TEX48: variants seen among roughly 807,000 people sequenced by gnomAD.
TEX48 encodes testis-expressed protein 48.
A neutral mutation model predicts 13.2 loss-of-function variants in TEX48; 10 were observed. That is an observed-to-expected ratio of 0.75 (90% CI 0.47 to 1.28). The LOEUF (loss-of-function observed/expected upper bound fraction) is 1.28. Ranked by LOEUF, TEX48 falls within the 50% of genes most tolerant of loss-of-function variation. The probability of loss-of-function intolerance (pLI) is 0.00; values close to 1 mark genes in which losing one functional copy is unlikely to be tolerated. For missense variants in TEX48, 116 were observed against 139.4 expected (o/e 0.83, Z 0.84); for synonymous variants, 45 against 52.3 (o/e 0.86, Z 0.60).
chr9:114,668,215 C>A lies in TEX48; in HGVS notation c.250G>T (p.Glu84Ter). The A allele has an allele frequency of 2.6e-6, 4 of 1,535,674 alleles. No homozygotes were observed. Among genetic ancestry groups the A allele is most frequent in the Non-Finnish European group, 3.5e-6 (4 of 1,146,890 alleles). ...TKKSTSSSSS[E>*]FEDLNAYASQ... ...CCAATTTGGGACTCACCCTCAAACT[C>A]ACTGCTGCTGGAGGAAGTGCTCTTT... is the stretch of plus-strand genomic sequence containing the variant. The change falls in exon 4 of 5, where the codon GAG becomes TAG. Residue 84 changes from glutamate to a stop codon, truncating the protein, a stop_gained. Transcript: ENST00000436752. LOFTEE classifies it low-confidence loss of function (END_TRUNC).
At chr9:114,679,098 C>A (rs1589380769) in intron 1 of TEX48, among the ~76,000 whole-genome samples, 2 of 151,800 alleles carry the variant, frequency 1.3e-5, no homozygotes, top group Non-Finnish European at 2.9e-5. Flanking sequence ...GACTTCAGGA[C>A]ACTTTCAAAG....
chr9:114,673,000 G>T (rs1321976216), intron 1 of TEX48, among the ~76,000 whole-genome samples: 4 of 152,130 alleles, frequency 2.6e-5, no homozygotes, highest in South Asian at 2.1e-4. Context: ...ATTTTAAAAG[G>T]ATGAAGAGTA....
chr9:114,681,109 TTC>T (rs1828190872), intron 1 of TEX48, among the ~76,000 whole-genome samples: 1 of 152,340 alleles, frequency 6.6e-6, no homozygotes, highest in South Asian at 2.1e-4. Flanking sequence ...AATTCTCTTT[TTC>T]TCTCTTTTTA....
At chr9:114,677,282 G>A (rs1025367561) in intron 1 of TEX48, among the ~76,000 whole-genome samples, 7 of 120,672 alleles carry the variant, frequency 5.8e-5, no homozygotes, top group African/African-American at 2.4e-4. Flanking sequence ...CCTAGTGTCA[G>A]TGTCATGGGA....
In TEX48 at chr9:114,666,610, C is replaced by T; in HGVS notation, c.*33G>A. 8 of 1,267,426 alleles carry T rather than the reference C, an allele frequency of 6.3e-6. No individual in the cohort carries two copies. The highest frequency in any genetic ancestry group is 8.7e-6 in the Non-Finnish European group (8 of 918,096). 78.5% of individuals were successfully genotyped at this position (1,267,426 alleles called of 1,614,324 possible). The stretch of plus-strand genomic sequence containing the variant: ...CACCGCCCTCTTCCTCATGGAGATG[C>T]CCCAGCAGCTGTGCAGCCGCCGGCT... On this transcript the variant is annotated 3_prime_UTR_variant, in exon 5 of 5. Transcript: ENST00000436752.
In TEX48 at chr9:114,671,389, T is replaced by A; in HGVS notation, c.121A>T (p.Thr41Ser). ...GTCCTTATCTGATACCTACTTTGGG[T>A]CGATGGCTTGTGCTCCTGGGTTTGA... ...PSQTQEHKPS[T>S]QNLLLQKDEL... The change falls in exon 3 of 5, where the codon ACC (threonine) becomes TCC (serine). Residue 41 changes from threonine (T) to serine (S), a missense_variant. Coordinates refer to ENST00000436752, the MANE Select transcript of TEX48 (RefSeq NM_001199233.2). 2 of 1,535,344 alleles carry A rather than the reference T, an allele frequency of 1.3e-6. No homozygotes were observed. Among genetic ancestry groups the A allele is most frequent in the Non-Finnish European group, 1.7e-6 (2 of 1,146,734 alleles).
chr9:114,679,505 C>G (rs894742357), intron 1 of TEX48, among the ~76,000 whole-genome samples: 3 of 152,122 alleles, frequency 2.0e-5, no homozygotes, highest in African/African-American at 7.2e-5. Flanking sequence ...TATTTTGCCT[C>G]TAAACTCCCA....
chr9:114,676,019 T>C (rs1021815240), intron 1 of TEX48, among the ~76,000 whole-genome samples: 5 of 152,240 alleles, frequency 3.3e-5, no homozygotes, highest in Non-Finnish European at 7.3e-5. Context: ...CCCACCATGT[T>C]TTCCTGTACA....
At position 114,676,703 on chromosome 9, in the gene TEX48, G is replaced by A. The variant is rs543069800; in HGVS notation, c.-104-4876C>T. ...GCAATCTTGTCTCACTTCGTGCTCC[G>A]CCTCCCGGGTTCACGCCATTCTCCT... On this transcript the variant is annotated intron_variant, in intron 1 of 4. Transcript: ENST00000436752. 4.0e-5 allele frequency among the ~76,000 whole-genome samples: 6 copies of A among 150,394 alleles called. No homozygotes were observed. The East Asian group carries it at 9.8e-4, about 25-fold the overall frequency.
In TEX48 at chr9:114,667,970, C is replaced by T. The variant is rs1296843072; in HGVS notation, c.259+236G>A. Among the ~76,000 whole-genome samples the T allele has an allele frequency of 6.0e-5, 9 of 150,422 alleles. No individual in the cohort carries two copies. In the East Asian group the frequency reaches 1.8e-3, roughly 29 times the overall value. On this transcript the variant is annotated intron_variant, in intron 4 of 4. Coordinates refer to ENST00000436752, the MANE Select transcript of TEX48 (RefSeq NM_001199233.2). Reference sequence around the variant, plus strand: ...TTGAAAGGAAAGCATGGATGTTTGCCCTTCCCCCCAGACCTGCTCCTTCTC... The same window carrying T: ...TTGAAAGGAAAGCATGGATGTTTGCTCTTCCCCCCAGACCTGCTCCTTCTC...
intron 1 of TEX48, among the ~76,000 whole-genome samples, chr9:114,677,428 C>T (rs1828096310): frequency 6.6e-6 from 1 of 152,114 alleles, no homozygotes; most frequent in African/African-American, 2.4e-5. Flanking sequence ...TGGAGATACA[C>T]CATTTAGCAA....
At chr9:114,677,235 T>TTTTGTTTG (rs71492791) in intron 1 of TEX48, among the ~76,000 whole-genome samples, 28 of 150,702 alleles carry the variant, frequency 1.9e-4, no homozygotes, top group Admixed American at 1.7e-3. Context: ...GGTGAGGTGT[T>TTTTGTTTG]TTTGTTTGTT....
chr9:114,667,618 C>T (rs776374295), intron 4 of TEX48, among the ~76,000 whole-genome samples: 34 of 152,026 alleles, frequency 2.2e-4, no homozygotes, highest in Non-Finnish European at 4.0e-4. Flanking sequence ...AAGATGATGC[C>T]GCCAGGTGCG....
intron 1 of TEX48, 145 bp from the exon 2 acceptor site, chr9:114,671,972 C>G: frequency 1.8e-6 from 1 of 559,944 alleles, no homozygotes. Context: ...TGTGTCCTAC[C>G]CCATGAACAG....
At chr9:114,672,315 G>A (rs1050883524) in intron 1 of TEX48, among the ~76,000 whole-genome samples, 2 of 152,108 alleles carry the variant, frequency 1.3e-5, no homozygotes, top group African/African-American at 4.8e-5. Flanking sequence ...CAGGCTCCTC[G>A]TCAGTAGTAA....
chr9:114,673,485 G>A (rs60548492), intron 1 of TEX48, among the ~76,000 whole-genome samples: 78,697 of 133,700 alleles, frequency 0.59, 23,072 homozygotes, highest in Admixed American at 0.67. Context: ...AAAAAAAAAA[G>A]AAAAGAAAAG....
In TEX48 at chr9:114,668,289, A is replaced by G; in HGVS notation, c.176T>C (p.Ile59Thr). The part of the protein sequence containing the change: ...DELDRQNPKR[I>T]NAVSHLPSRT... ...CGAAGGCAAATGGGAGACTGCGTTA[A>G]TGCGCTTGGGATTTTGTCTGTCAAG... Residue 59 changes from isoleucine to threonine, a missense_variant, in exon 4 of 5, where the codon ATT becomes ACT. Coordinates refer to ENST00000436752, the MANE Select transcript of TEX48 (RefSeq NM_001199233.2). 1 of 1,535,710 alleles carries G rather than the reference A, an allele frequency of 6.5e-7. No homozygotes were observed. The highest frequency in any genetic ancestry group is 8.7e-7 in the Non-Finnish European group (1 of 1,146,906).
At chr9:114,667,245 G>A (rs982366854) in intron 4 of TEX48, among the ~76,000 whole-genome samples, 1 of 152,178 alleles carries the variant, frequency 6.6e-6, no homozygotes, top group African/African-American at 2.4e-5. Flanking sequence ...GTTGTTAGGG[G>A]AATTCAAAAT....
intron 1 of TEX48, among the ~76,000 whole-genome samples, chr9:114,677,375 A>T (rs1828095804): frequency 6.6e-6 from 1 of 151,830 alleles, no homozygotes; most frequent in East Asian, 1.9e-4. Context: ...CCTATAATTT[A>T]TAAAGAAATA....
Sources: gnomAD v4.1 joint callset for allele counts (sites outside exome capture counted in the v4.1 genomes callset) on GRCh38, gnomAD v4.1.1 for gene constraint, MANE v1.5 for transcripts, NCBI Gene and HGNC (gene_info 2026-07-23, HGNC 2026-07-21) for gene names.